ZSCAN4: variants seen among roughly 807,000 people sequenced by gnomAD.
ZSCAN4 encodes zinc finger and SCAN domain-containing protein 4.
Under a neutral mutation model 18.3 loss-of-function variants are expected in ZSCAN4, and 18 were observed. The observed-to-expected ratio is 0.98, with a 90% confidence interval of 0.68 to 1.46. The LOEUF (loss-of-function observed/expected upper bound fraction) is 1.46, where lower values mean the gene tolerates loss of function less well. ZSCAN4 is among the 40% of genes most tolerant of loss of function. The probability of loss-of-function intolerance (pLI) is 0.00; values close to 1 mark genes in which losing one functional copy is unlikely to be tolerated. For synonymous variants in ZSCAN4, 193 were observed against 180.3 expected, an observed-to-expected ratio of 1.07 and a Z score of -0.57; for missense variants, 498 against 511.4, an observed-to-expected ratio of 0.97 and a Z score of 0.25.
exon 5 of ZSCAN4, chr19:57,678,398 T>C (rs1466780441): frequency 6.2e-7 from 1 of 1,614,102 alleles, no homozygotes; most frequent in Non-Finnish European, 8.5e-7. Flanking sequence ...CTTTCCAAGG[T>C]GTCCCTATGG....
the ZSCAN4 span, among the ~76,000 whole-genome samples, chr19:57,654,644 G>T: frequency 6.6e-6 from 1 of 152,056 alleles, no homozygotes; most frequent in Non-Finnish European, 1.5e-5. Flanking sequence ...TAACCAGGCA[G>T]TGGTGCCCAT....
At chr19:57,674,960 T>TC (rs949982451) in intron 2 of ZSCAN4, among the ~76,000 whole-genome samples, 3 of 149,338 alleles carry the variant, frequency 2.0e-5, no homozygotes, top group Non-Finnish European at 3.0e-5. Context: ...CATCAAGTTT[T>TC]TTTTTTTTTT....
chr19:57,671,592 G>A (rs1984025051), intron 2 of ZSCAN4, among the ~76,000 whole-genome samples: 1 of 152,116 alleles, frequency 6.6e-6, no homozygotes, highest in African/African-American at 2.4e-5. Flanking sequence ...TGTAGAGCTG[G>A]CCCAGGAAAG....
intron 2 of ZSCAN4, among the ~76,000 whole-genome samples, chr19:57,672,968 T>C (rs554509761): frequency 1.3e-5 from 2 of 152,320 alleles, no homozygotes; most frequent in African/African-American, 4.8e-5. Context: ...ATAGCCACCA[T>C]GCCGTACATC....
At chr19:57,671,777 C>A (rs375512878) in intron 2 of ZSCAN4, among the ~76,000 whole-genome samples, 6 of 152,102 alleles carry the variant, frequency 3.9e-5, no homozygotes, top group African/African-American at 1.2e-4. Context: ...GGAGATTTTA[C>A]CAGGATCACC....
intron 3 of ZSCAN4, 21 bp from the exon 4 acceptor site, chr19:57,677,893 G>A: frequency 6.6e-7 from 1 of 1,515,780 alleles, no homozygotes; most frequent in Middle Eastern, 1.8e-4. Context: ...AGATACAACA[G>A]TGATCTGGCT....
chr19:57,659,507 TG>T, the ZSCAN4 span, among the ~76,000 whole-genome samples: 1 of 152,226 alleles, frequency 6.6e-6, no homozygotes, highest in Non-Finnish European at 1.5e-5. Context: ...AGGATCCTCC[TG>T]CTTCTGCCTC....
At chr19:57,675,702 G>A (rs752942302) in intron 2 of ZSCAN4, among the ~76,000 whole-genome samples, 6 of 152,120 alleles carry the variant, frequency 3.9e-5, no homozygotes, top group African/African-American at 7.2e-5. Context: ...TCCATATCCC[G>A]TTAACGAAGT....
intron 3 of ZSCAN4, among the ~76,000 whole-genome samples, chr19:57,677,418 CAT>C (rs1491492425): frequency 1.2e-5 from 1 of 81,422 alleles, no homozygotes; most frequent in African/African-American, 8.5e-5. Flanking sequence ...TTTAGTGGCA[CAT>C]TTTTTTTTTT....
At chr19:57,669,838 C>T (rs1983966322) in intron 1 of ZSCAN4, among the ~76,000 whole-genome samples, 1 of 152,120 alleles carries the variant, frequency 6.6e-6, no homozygotes, top group South Asian at 2.1e-4. Flanking sequence ...ACAAGCTACA[C>T]AGACATGCCA....
At chr19:57,676,940 G>T (rs184060463) in intron 3 of ZSCAN4, among the ~76,000 whole-genome samples, 1 of 152,050 alleles carries the variant, frequency 6.6e-6, no homozygotes, top group Admixed American at 6.5e-5. Context: ...CACCAAGGCC[G>T]GCTAATTTTT....
At chr19:57,662,407 CTTA>C in the ZSCAN4 span, among the ~76,000 whole-genome samples, 1 of 151,426 alleles carries the variant, frequency 6.6e-6, no homozygotes, top group Non-Finnish European at 1.5e-5. Context: ...ATTTAAATAT[CTTA>C]TTTAGATTAT....
the ZSCAN4 span, among the ~76,000 whole-genome samples, chr19:57,656,165 G>A: frequency 6.6e-6 from 1 of 152,014 alleles, no homozygotes; most frequent in Non-Finnish European, 1.5e-5. Context: ...TACCATTAGA[G>A]GCCACCATTA....
exon 5 of ZSCAN4, chr19:57,678,637 G>T: frequency 6.2e-7 from 1 of 1,614,000 alleles, no homozygotes; most frequent in Non-Finnish European, 8.5e-7. Flanking sequence ...TGTCCCGAGT[G>T]TCAAAAAGGC....
the ZSCAN4 span, among the ~76,000 whole-genome samples, chr19:57,661,722 T>C: frequency 6.6e-6 from 1 of 152,236 alleles, no homozygotes; most frequent in Admixed American, 6.5e-5. Flanking sequence ...TAGACCTGTA[T>C]AAATACAAGT....
At chr19:57,651,620 C>T in the ZSCAN4 span, among the ~76,000 whole-genome samples, 1 of 152,214 alleles carries the variant, frequency 6.6e-6, no homozygotes, top group Non-Finnish European at 1.5e-5. Flanking sequence ...ATCTCCATTC[C>T]GTTCCTTCTC....
At chr19:57,672,492 G>T (rs2122297230) in intron 2 of ZSCAN4, among the ~76,000 whole-genome samples, 1 of 151,972 alleles carries the variant, frequency 6.6e-6, no homozygotes, top group African/African-American at 2.4e-5. Flanking sequence ...GACAAAGATT[G>T]TATATATTTA....
At chr19:57,670,946 A>G (rs1984001811) in intron 2 of ZSCAN4, among the ~76,000 whole-genome samples, 1 of 151,238 alleles carries the variant, frequency 6.6e-6, no homozygotes, top group Non-Finnish European at 1.5e-5. Context: ...CTGCAGCTTC[A>G]GCCTCCCCAG....
At chr19:57,675,918 ATGT>A in intron 2 of ZSCAN4, 120 bp from the exon 3 acceptor site, 1 of 449,898 alleles carries the variant, frequency 2.2e-6, no homozygotes, top group South Asian at 3.8e-5. Flanking sequence ...GGGAGAGTTT[ATGT>A]TAAGTTATAA....
Sources: gnomAD v4.1 joint callset for allele counts (sites outside exome capture counted in the v4.1 genomes callset) on GRCh38, gnomAD v4.1.1 for gene constraint, MANE v1.5 for transcripts, NCBI Gene and HGNC (gene_info 2026-07-23, HGNC 2026-07-21) for gene names.